The following CEP44 variants were observed in gnomAD, a reference collection of about 807,000 sequenced individuals.
CEP44 encodes centrosomal protein of 44 kDa.
CEP44 carries 45 observed loss-of-function variants against 46.7 expected under a neutral mutation model. The observed-to-expected ratio is 0.96, with a 90% confidence interval of 0.76 to 1.24. The LOEUF is 1.24. CEP44 is among the 50% of genes most tolerant of loss of function. The probability of loss-of-function intolerance (pLI) is 0.00; values close to 1 mark genes in which losing one functional copy is unlikely to be tolerated. For synonymous variants in CEP44, 142 were observed against 146.0 expected (o/e 0.97, Z 0.20); for missense variants, 475 against 459.7 (o/e 1.03, Z -0.30).
chr4:174,317,989 G>A lies in CEP44; in HGVS notation c.*606G>A, dbSNP rs1034515755. ...CAGGCTGGAGGACTATGGTCCTCAA[G>A]TTTAGACCAAGAGGACTATGGTCTC... On this transcript the variant is annotated 3_prime_UTR_variant, in exon 12 of 12. Transcript: ENST00000503780. The A allele has an allele frequency of 3.0e-6, 3 of 985,120 alleles. No homozygotes were observed. The highest frequency in any genetic ancestry group is 3.6e-6 in the Non-Finnish European group (3 of 829,778). The allele number at this position is 985,120 out of a possible 1,614,324, so 61.0% of individuals were successfully genotyped here.
At position 174,286,568 on chromosome 4, in the gene CEP44, T is replaced by C. The variant is rs538266551; in HGVS notation, c.-148+2625T>C. Among the ~76,000 whole-genome samples the C allele has an allele frequency of 2.0e-5, 3 of 152,342 alleles. No individual in the cohort carries two copies. The highest frequency in any genetic ancestry group is 1.9e-4 in the East Asian group (1 of 5,180). ...GTGGTAGATGTTTTTATGTAAGTTA[T>C]TGAGTTTCACGTTACTGGCTGACTA... On this transcript the variant is annotated intron_variant, in intron 1 of 11. Coordinates refer to ENST00000503780, the MANE Select transcript of CEP44 (RefSeq NM_001040157.3). This position sits in a 1 kb window ranked among gnomAD's most constrained non-coding sequence, Gnocchi z 5.2.
rs891800595 is a variant in CEP44, at chr4:174,290,118, T to G, written c.-148+6175T>G. 6.6e-6 allele frequency among the ~76,000 whole-genome samples: 1 copy of G among 152,180 alleles called. No homozygotes were observed. The highest frequency in any genetic ancestry group is 1.5e-5 in the Non-Finnish European group (1 of 68,022). On this transcript the variant is annotated intron_variant, in intron 1 of 11. Transcript: ENST00000503780. The surrounding 1 kb of genome is among the most constrained non-coding windows in gnomAD (Gnocchi z 4.3). Reference sequence around the variant, plus strand: ...ACCCGCCTGCCTCAGCCCCCAAAAGTGCTAGGATTATAGGCGTGAGCCACT... The same window carrying G: ...ACCCGCCTGCCTCAGCCCCCAAAAGGGCTAGGATTATAGGCGTGAGCCACT...
chr4:174,332,914 TC>T (rs1278404337), exon 9 of CEP44: 1 of 152,132 alleles, frequency 6.6e-6, no homozygotes, highest in Non-Finnish European at 1.5e-5. Flanking sequence ...GTGGAGACAT[TC>T]CTTTCTAACT....
rs1261165919 is a variant in CEP44, at chr4:174,319,390, T to C, written c.*2007T>C. ...CCTTGTGGTTAACATGCCAGTATTT[T>C]ACCTTTTGTTAAAACAAGTGATTTC... On this transcript the variant is annotated 3_prime_UTR_variant, in exon 12 of 12. Coordinates refer to ENST00000503780, the MANE Select transcript of CEP44 (RefSeq NM_001040157.3). 6.1e-6 allele frequency: 6 copies of C among 985,016 alleles called. No individual in the cohort carries two copies. Among genetic ancestry groups the C allele is most frequent in the Non-Finnish European group, 7.2e-6 (6 of 829,636 alleles). The allele number at this position is 985,016 out of a possible 1,614,324, so 61.0% of individuals were successfully genotyped here.
chr4:174,302,256 A>G, intron 4 of CEP44, 70 bp downstream of exon 4: 1 of 967,688 alleles, frequency 1.0e-6, no homozygotes, highest in East Asian at 2.6e-5. Context: ...ATTTAGTCAT[A>G]ACTTCTTAAA....
chr4:174,313,633 G>A lies in CEP44; in HGVS notation c.962-2533G>A, dbSNP rs145473980. Reference sequence around the variant, plus strand: ...GTAAGATAGGCAAGGATAATTTGAAGAGAATTTTAGTAGTCATTATTTCAG... The same window carrying A: ...GTAAGATAGGCAAGGATAATTTGAAAAGAATTTTAGTAGTCATTATTTCAG... On this transcript the variant is annotated intron_variant, in intron 9 of 11. Transcript: ENST00000503780. Among the ~76,000 whole-genome samples the A allele has an allele frequency of 3.8e-3, 585 of 152,284 alleles. 3 individuals are homozygous for A. Among genetic ancestry groups the A allele is most frequent in the Middle Eastern group, 0.017 (5 of 294 alleles).
chr4:174,316,341 C>T (rs536619357), intron 10 of CEP44, 51 bp downstream of exon 10: 2 of 1,556,122 alleles, frequency 1.3e-6, no homozygotes, highest in South Asian at 2.3e-5. Flanking sequence ...AACAAGCAAG[C>T]ATTAGCTTTT....
chr4:174,332,308 T>C (rs555650675), exon 9 of CEP44: 4 of 152,360 alleles, frequency 2.6e-5, no homozygotes, highest in East Asian at 1.9e-4. Flanking sequence ...TCTATTTCTC[T>C]GTTGATTACA....
intron 4 of CEP44, 71 bp downstream of exon 4, chr4:174,302,257 ACTT>A (rs1237883042): frequency 8.3e-6 from 8 of 967,916 alleles, no homozygotes. Flanking sequence ...TTTAGTCATA[ACTT>A]CTTAAATATA....
chr4:174,315,017 G>T (rs1334380328), intron 9 of CEP44, among the ~76,000 whole-genome samples: 1 of 152,214 alleles, frequency 6.6e-6, no homozygotes, highest in African/African-American at 2.4e-5. Context: ...AGTTTACGCT[G>T]ATGAGTCAGC....
At chr4:174,302,464 T>C (rs535020630) in intron 4 of CEP44, among the ~76,000 whole-genome samples, 29 of 152,266 alleles carry the variant, frequency 1.9e-4, no homozygotes, top group Admixed American at 1.2e-3. Context: ...TTTGATATAC[T>C]GGCAGAAATT....
chr4:174,320,965 G>A (rs1742278653), downstream of CEP44, among the ~76,000 whole-genome samples: 2 of 152,022 alleles, frequency 1.3e-5, no homozygotes, highest in African/African-American at 4.8e-5. Flanking sequence ...GAAATAATGG[G>A]ATTTGGAGCA....
chr4:174,310,043 T>C lies in CEP44; in HGVS notation c.872T>C (p.Leu291Pro). 1 of 1,610,736 alleles carries C rather than the reference T, an allele frequency of 6.2e-7. No individual in the cohort carries two copies. Among genetic ancestry groups the C allele is most frequent in the Non-Finnish European group, 8.5e-7 (1 of 1,178,350 alleles). The change falls in exon 8 of 12, where the codon CTT (leucine) becomes CCT (proline). Residue 291 changes from leucine (L) to proline (P), a missense_variant. Transcript: ENST00000503780. The surrounding 1 kb of genome is among the most constrained non-coding windows in gnomAD (Gnocchi z 4.2). Reference protein sequence around the residue: ...SRVTLLETEMLLSKKNDEFIE... With the variant: ...SRVTLLETEMPLSKKNDEFIE... The stretch of plus-strand genomic sequence containing the variant: ...GTCACTCTTCTTGAAACAGAAATGC[T>C]TTTGTCTAAAAAGGTATTTTCCTCC...
rs1325933899 is a variant in CEP44, at chr4:174,299,084, A to G, written c.-38A>G. 6.5e-7 allele frequency: 1 copy of G among 1,549,192 alleles called. No individual in the cohort carries two copies. Among genetic ancestry groups the G allele is most frequent in the East Asian group, 2.2e-5 (1 of 44,498 alleles). ...TTTCTATTTTCAGGTGAAAAATTAG[A>G]CGATTTCAAGAATTGGAGCTGAATC... On this transcript the variant is annotated 5_prime_UTR_variant, in exon 3 of 12. Transcript: ENST00000503780.
At position 174,325,717 on chromosome 4, in the gene CEP44, A is replaced by G. The variant is rs1450372697; in HGVS notation, c.1087-5765A>G. Among the ~76,000 whole-genome samples, 1 of 152,040 alleles carries G rather than the reference A, an allele frequency of 6.6e-6. No individual in the cohort carries two copies. Among genetic ancestry groups the G allele is most frequent in the Non-Finnish European group, 1.5e-5 (1 of 67,968 alleles). ...TAGAACTGTAGATGAAGACTAAAAA[A>G]CTTTTATTTTTTCTTTCAGTTCTAT... On this transcript the variant is annotated intron_variant, in intron 8 of 8. Transcript: ENST00000426172. The surrounding 1 kb of genome is among the most constrained non-coding windows in gnomAD (Gnocchi z 4.4).
intron 1 of CEP44, among the ~76,000 whole-genome samples, chr4:174,285,192 A>G (rs143250654): frequency 9.2e-5 from 14 of 152,350 alleles, no homozygotes; most frequent in Non-Finnish European, 1.8e-4. Flanking sequence ...GATCAGTGCT[A>G]TAAGTTGAAA....
In CEP44 at chr4:174,309,937, A is replaced by G. The variant is rs1740877949; in HGVS notation, c.766A>G (p.Lys256Glu). ...ENLKKLTSIE[K>E]RLDCLEQKMK... ...TCTTAAGAAACTGACTTCGATAGAG[A>G]AAAGGTTAGACTGTTTGGAACAAAA... The change falls in exon 8 of 12, where the codon AAA becomes GAA. Residue 256 changes from lysine (K) to glutamate (E), a missense_variant. By Grantham distance (56) the Lys-to-Glu change is moderately conservative (BLOSUM62 1). Coordinates refer to ENST00000503780, the MANE Select transcript of CEP44 (RefSeq NM_001040157.3). The surrounding 1 kb of genome is among the most constrained non-coding windows in gnomAD (Gnocchi z 5.3). 1 of 1,612,772 alleles carries G rather than the reference A, an allele frequency of 6.2e-7. No homozygotes were observed. Among genetic ancestry groups the G allele is most frequent in the Admixed American group, 1.7e-5 (1 of 59,842 alleles).
intron 1 of CEP44, chr4:174,285,476 G>C (rs1379025280): frequency 2.0e-5 from 3 of 152,120 alleles, no homozygotes. Flanking sequence ...CACTGGTACT[G>C]AAGAGAGACA....
chr4:174,292,107 GA>G (rs1480194087), intron 1 of CEP44, among the ~76,000 whole-genome samples: 2 of 151,912 alleles, frequency 1.3e-5, no homozygotes, highest in African/African-American at 4.8e-5. Flanking sequence ...CTTCATTCCT[GA>G]AGACAGTTTT....
Sources: allele counts gnomAD v4.1 joint callset (sites outside exome capture counted in the v4.1 genomes callset), GRCh38; gene constraint gnomAD v4.1.1; non-coding constraint Gnocchi (gnomAD v3.1); transcripts MANE v1.5; gene names NCBI Gene and HGNC (gene_info 2026-07-23, HGNC 2026-07-21).